The following ASAP2 variants were observed in gnomAD, a reference collection of about 807,000 sequenced individuals.
ASAP2 encodes arf-GAP with SH3 domain, ANK repeat and PH domain-containing protein 2.
ASAP2 carries 45 observed loss-of-function variants against 131.4 expected under a neutral mutation model. That is an observed-to-expected ratio of 0.34 (90% CI 0.27 to 0.44). ASAP2 has a LOEUF of 0.44. Ranked by LOEUF, ASAP2 falls within the 20% of genes least tolerant of loss-of-function variation. The pLI is 1.00. For synonymous variants in ASAP2, 510 were observed against 503.0 expected (o/e 1.01, Z -0.19); for missense variants, 1,011 against 1,297.0 (o/e 0.78, Z 3.39).
intron 3 of ASAP2, among the ~76,000 whole-genome samples, chr2:9,309,919 G>A (rs971398526): frequency 5.3e-5 from 8 of 152,198 alleles, no homozygotes; most frequent in East Asian, 3.8e-4. Context: ...CCCACTTTCC[G>A]CTCTTCAATG....
chr2:9,286,367 C>G (rs1667460180), intron 2 of ASAP2, among the ~76,000 whole-genome samples: 1 of 151,420 alleles, frequency 6.6e-6, no homozygotes, highest in Admixed American at 6.6e-5. Flanking sequence ...CACTGCACTT[C>G]ATCCTGGGTG....
chr2:9,207,335 C>G lies in ASAP2; in HGVS notation c.126+105C>G, dbSNP rs1029171399. 24 of 1,386,376 alleles carry G rather than the reference C, an allele frequency of 1.7e-5. No homozygotes were observed. In the Admixed American group the frequency reaches 6.1e-4, roughly 35 times the overall value. The allele number at this position is 1,386,376 out of a possible 1,614,324, so 85.9% of individuals were successfully genotyped here. A position where few individuals can be genotyped will look rare whatever the true frequency, so the allele number is the denominator to read the frequency against. ...GAGAAAACTTTCTTTGCTCCGAAGC[C>G]GGACGCGGCCGGGCCAACCCTGCCC... On this transcript the variant is annotated intron_variant, in intron 1 of 27. Transcript: ENST00000281419. This position sits in a 1 kb window ranked among gnomAD's most constrained non-coding sequence, Gnocchi z 4.1.
At chr2:9,401,245 A>G (rs1310036799) in intron 26 of ASAP2, 29 bp from the exon 27 acceptor site, 1 of 1,612,540 alleles carries the variant, frequency 6.2e-7, no homozygotes, top group African/African-American at 1.3e-5. Flanking sequence ...CTGCAGCCAC[A>G]CTAACCGTTG....
intron 2 of ASAP2, among the ~76,000 whole-genome samples, chr2:9,286,267 G>A (rs934255109): frequency 6.6e-6 from 1 of 152,046 alleles, no homozygotes; most frequent in African/African-American, 2.4e-5. Flanking sequence ...GCATGATGGT[G>A]TATGCCTGTA....
chr2:9,297,375 C>T lies in ASAP2; in HGVS notation c.275C>T (p.Pro92Leu). 1 of 1,614,154 alleles carries T rather than the reference C, an allele frequency of 6.2e-7. No homozygotes were observed. Residue 92 changes from proline (P) to leucine (L), a missense_variant, in exon 3 of 28, where the codon CCA becomes CTA. This residue lies in a region of ASAP2 where 359 missense variants were observed against 598.1 expected (regional missense o/e 0.60). Coordinates refer to ENST00000281419, the MANE Select transcript of ASAP2 (RefSeq NM_003887.3). ...FGGNCVCRDD[P>L]DLGSAFLKFS... is the part of the protein sequence containing the mutation. ...GGCAACTGTGTATGCAGAGATGACCCAGATTTAGGAAGTGCGTTCCTGAAG... is the reference window on the plus strand; with the variant it reads ...GGCAACTGTGTATGCAGAGATGACCTAGATTTAGGAAGTGCGTTCCTGAAG...
chr2:9,366,091 C>A (rs1302369792), intron 15 of ASAP2, among the ~76,000 whole-genome samples: 1 of 152,120 alleles, frequency 6.6e-6, no homozygotes. Flanking sequence ...GCACCTGCAG[C>A]CTCCATTTGC....
intron 2 of ASAP2, among the ~76,000 whole-genome samples, chr2:9,282,768 T>G (rs1667210040): frequency 6.6e-6 from 1 of 152,242 alleles, no homozygotes; most frequent in Admixed American, 6.5e-5. Context: ...TTGTCTTGTC[T>G]CATGTTTCTT....
intron 1 of ASAP2, among the ~76,000 whole-genome samples, chr2:9,241,764 C>T (rs1663987068): frequency 6.6e-6 from 1 of 152,124 alleles, no homozygotes; most frequent in Admixed American, 6.5e-5. Flanking sequence ...GAGTATATGC[C>T]AGACACTGTG....
intron 16 of ASAP2, among the ~76,000 whole-genome samples, chr2:9,373,192 C>T (rs760354118): frequency 6.6e-6 from 1 of 152,102 alleles, no homozygotes; most frequent in Non-Finnish European, 1.5e-5. Flanking sequence ...GAACTGGAGC[C>T]GGAGCAGGAG....
chr2:9,322,959 T>C (rs892445673), intron 5 of ASAP2, among the ~76,000 whole-genome samples, 162 bp from the exon 6 acceptor site: 1 of 152,158 alleles, frequency 6.6e-6, no homozygotes, highest in Non-Finnish European at 1.5e-5. Flanking sequence ...GACATCTTCG[T>C]GAGGACACCC....
chr2:9,255,869 G>A (rs1242967522), intron 1 of ASAP2, among the ~76,000 whole-genome samples: 2 of 152,186 alleles, frequency 1.3e-5, no homozygotes, highest in East Asian at 3.8e-4. Context: ...TAAACATTGG[G>A]CTGGGGGGCA....
intron 1 of ASAP2, 78 bp from the exon 2 acceptor site, chr2:9,279,238 GT>G (rs1666965405): frequency 1.5e-6 from 2 of 1,369,846 alleles, no homozygotes; most frequent in African/African-American, 2.9e-5. Flanking sequence ...GGCAATCAGA[GT>G]GGCACTCAAC....
chr2:9,313,573 G>A (rs975107839), intron 3 of ASAP2, among the ~76,000 whole-genome samples: 4 of 152,188 alleles, frequency 2.6e-5, no homozygotes, highest in Non-Finnish European at 5.9e-5. Flanking sequence ...GCCAGCTGCC[G>A]GACAGCGACT....
intron 1 of ASAP2, among the ~76,000 whole-genome samples, chr2:9,223,712 A>T (rs987081111): frequency 2.6e-5 from 4 of 152,162 alleles, no homozygotes; most frequent in African/African-American, 9.7e-5. Flanking sequence ...GGGCCATGTC[A>T]TCCTCAGGCT....
At chr2:9,365,650 TCC>T (rs1673412743) in intron 15 of ASAP2, among the ~76,000 whole-genome samples, 1 of 152,170 alleles carries the variant, frequency 6.6e-6, no homozygotes, top group Non-Finnish European at 1.5e-5. Context: ...CACAGACGAC[TCC>T]CCCGTATGGT....
At chr2:9,221,423 G>A (rs1315913437) in intron 1 of ASAP2, among the ~76,000 whole-genome samples, 5 of 150,828 alleles carry the variant, frequency 3.3e-5, no homozygotes, top group African/African-American at 1.2e-4. Context: ...CCAAAGTGCT[G>A]GGATTGCAGG....
At chr2:9,294,690 A>G (rs1276727701) in intron 2 of ASAP2, among the ~76,000 whole-genome samples, 2 of 152,214 alleles carry the variant, frequency 1.3e-5, no homozygotes, top group Non-Finnish European at 2.9e-5. Context: ...GTGTTCACTT[A>G]GAGCAACACT....
intron 1 of ASAP2, among the ~76,000 whole-genome samples, chr2:9,250,110 G>GT (rs1172592027): frequency 6.6e-6 from 1 of 152,138 alleles, no homozygotes; most frequent in Non-Finnish European, 1.5e-5. Flanking sequence ...CAATTGCTTT[G>GT]TAGGGTTTCA....
At chr2:9,208,961 G>A (rs1255695290) in intron 1 of ASAP2, among the ~76,000 whole-genome samples, 1 of 152,048 alleles carries the variant, frequency 6.6e-6, no homozygotes, top group Admixed American at 6.6e-5. Flanking sequence ...GCAGATGTTG[G>A]AAAGCCAAGC....
Sources: gnomAD v4.1 joint callset for allele counts (sites outside exome capture counted in the v4.1 genomes callset) on GRCh38, gnomAD v4.1.1 for gene constraint, gnomAD v4.1.1 regional missense constraint, Gnocchi (gnomAD v3.1) non-coding constraint, MANE v1.5 for transcripts, NCBI Gene and HGNC (gene_info 2026-07-23, HGNC 2026-07-21) for gene names.